Variants in DPPA2 observed in about 807,000 individuals in gnomAD.
The protein encoded by DPPA2 is developmental pluripotency-associated protein 2.
DPPA2 carries 26 observed loss-of-function variants against 36.2 expected under a neutral mutation model. The ratio of observed to expected loss-of-function variants is 0.72; its 90% CI spans 0.53 to 1.00. The LOEUF is 1.00. DPPA2 is among the 50% of genes least tolerant of loss of function. DPPA2 has a pLI of 0.00. For synonymous variants in DPPA2, 113 were observed against 123.2 expected (o/e 0.92, Z 0.55); for missense variants, 361 against 365.1 (o/e 0.99, Z 0.09).
Position 109,314,095 on chromosome 3 carries a change from T to A in DPPA2, c.33+415A>T, listed in dbSNP as rs991973200. On this transcript the variant is annotated intron_variant, in intron 2 of 8. Transcript: ENST00000478945. ...TTGGTCACTTTACTTTATGACTTTA[T>A]CCACATTACCGCCTTCACTTTCTTT... Among the ~76,000 whole-genome samples, 5 of 152,174 alleles carry A rather than the reference T, an allele frequency of 3.3e-5. No individual in the cohort carries two copies. In the East Asian group the frequency reaches 9.6e-4, roughly 29 times the overall value.
chr3:109,300,992 T>TC (rs1425877920), intron 7 of DPPA2, among the ~76,000 whole-genome samples: 2 of 151,196 alleles, frequency 1.3e-5, no homozygotes, highest in Non-Finnish European at 2.9e-5. Context: ...CATCTTTTTT[T>TC]TTTTTTTTTA....
At chr3:109,298,768 C>G (rs1317594900) in intron 8 of DPPA2, among the ~76,000 whole-genome samples, 1 of 151,702 alleles carries the variant, frequency 6.6e-6, no homozygotes, top group Non-Finnish European at 1.5e-5. Flanking sequence ...GTGGCTCACG[C>G]CTGTAATCCC....
chr3:109,307,897 T>C, intron 6 of DPPA2, 135 bp downstream of exon 6: 1 of 1,165,932 alleles, frequency 8.6e-7, no homozygotes, highest in Non-Finnish European at 1.2e-6. Context: ...AGAAGAAAGA[T>C]GTCCCATGTG....
intron 5 of DPPA2, 75 bp from the exon 6 acceptor site, chr3:109,308,368 C>CT (rs373075961): frequency 0.064 from 61,239 of 953,136 alleles, 2 homozygotes; most frequent in South Asian, 0.074. Flanking sequence ...TTTTATTATT[C>CT]TTTTTTTTTT....
At chr3:109,305,608 C>T (rs1017566966) in intron 6 of DPPA2, among the ~76,000 whole-genome samples, 1 of 152,004 alleles carries the variant, frequency 6.6e-6, no homozygotes, top group African/African-American at 2.4e-5. Flanking sequence ...AACCCCATCT[C>T]TACTAAAAAT....
intron 7 of DPPA2, among the ~76,000 whole-genome samples, chr3:109,303,459 C>T (rs980109879): frequency 5.9e-5 from 9 of 151,896 alleles, no homozygotes; most frequent in Non-Finnish European, 1.3e-4. Flanking sequence ...CAACCTCTGC[C>T]TCCCGGGTTC....
At chr3:109,313,421 A>G (rs1442418267) in intron 2 of DPPA2, among the ~76,000 whole-genome samples, 7 of 152,218 alleles carry the variant, frequency 4.6e-5, no homozygotes, top group Non-Finnish European at 1.0e-4. Context: ...CAGAGTAGGC[A>G]TTCAATGTTG....
At chr3:109,309,448 G>A in intron 3 of DPPA2, 118 bp from the exon 4 acceptor site, 2 of 1,103,534 alleles carry the variant, frequency 1.8e-6, no homozygotes, top group South Asian at 3.0e-5. Context: ...AGCACTTTGG[G>A]AGGCCGAGGT....
At chr3:109,297,012 AG>A (rs1220073116) in intron 8 of DPPA2, among the ~76,000 whole-genome samples, 1 of 152,166 alleles carries the variant, frequency 6.6e-6, no homozygotes, top group Non-Finnish European at 1.5e-5. Context: ...GCTTGAGCCC[AG>A]AAGGTCAAGG....
intron 8 of DPPA2, among the ~76,000 whole-genome samples, chr3:109,298,036 A>T (rs1707383403): frequency 6.6e-6 from 1 of 152,102 alleles, no homozygotes; most frequent in South Asian, 2.1e-4. Context: ...CCTTGAGCCT[A>T]GGAGTTCAAG....
chr3:109,314,428 G>A, intron 2 of DPPA2, 82 bp downstream of exon 2: 1 of 1,383,004 alleles, frequency 7.2e-7, no homozygotes. Context: ...AAGATTTGTG[G>A]TAAAAGAGAA....
chr3:109,313,688 G>T (rs1300053379), intron 2 of DPPA2, among the ~76,000 whole-genome samples: 1 of 152,144 alleles, frequency 6.6e-6, no homozygotes, highest in East Asian at 1.9e-4. Context: ...ATCCAAGGGT[G>T]AATAAACTCC....
Position 109,304,307 on chromosome 3 carries a change from T to C in DPPA2, c.854+168A>G, listed in dbSNP as rs540857392. Reference sequence around the variant, plus strand: ...AAAAGAACTAGCCACATTTATTGAGTTGTAATTCACTAGTGAGTTCTTCTT... The same window carrying C: ...AAAAGAACTAGCCACATTTATTGAGCTGTAATTCACTAGTGAGTTCTTCTT... On this transcript the variant is annotated intron_variant, in intron 7 of 8. Transcript: ENST00000478945. Among the ~76,000 whole-genome samples the C allele has an allele frequency of 3.3e-5, 5 of 151,782 alleles. No homozygotes were observed. In the South Asian group the frequency reaches 8.3e-4, roughly 25 times the overall value.
chr3:109,309,048 T>G lies in DPPA2; in HGVS notation c.374A>C (p.His125Pro). ...CACTTGCCGTTGTTCAGGGTAAGCA[T>G]GCCTATGAAGCCTCAGATAAACTTC... ...KIEVYLRLHR[H>P]AYPEQRQDMP... is the part of the protein sequence containing the mutation. Residue 125 changes from histidine (H) to proline (P), a missense_variant, in exon 5 of 9, where the codon CAT becomes CCT. Transcript: ENST00000478945. The G allele has an allele frequency of 6.2e-7, 1 of 1,614,188 alleles. No individual in the cohort carries two copies. The highest frequency in any genetic ancestry group is 1.1e-5 in the South Asian group (1 of 91,080).
chr3:109,296,510 A>T (rs1576813958), intron 8 of DPPA2, among the ~76,000 whole-genome samples: 3 of 152,296 alleles, frequency 2.0e-5, no homozygotes, highest in Admixed American at 2.0e-4. Flanking sequence ...CACTGTCTCT[A>T]CTAAAAATAC....
intron 1 of DPPA2, among the ~76,000 whole-genome samples, chr3:109,315,178 T>C (rs561686688): frequency 3.3e-5 from 5 of 152,352 alleles, no homozygotes; most frequent in African/African-American, 1.2e-4. Context: ...AGAACAGTTA[T>C]AAGACGATAT....
intron 8 of DPPA2, among the ~76,000 whole-genome samples, chr3:109,296,690 A>AT: frequency 6.6e-6 from 1 of 151,430 alleles, no homozygotes; most frequent in East Asian, 1.9e-4. Flanking sequence ...AAAAATAATA[A>AT]AAAAAAAAGG....
At chr3:109,295,203 G>A (rs1003018245) in intron 8 of DPPA2, 3 of 151,592 alleles carry the variant, frequency 2.0e-5, no homozygotes, top group Non-Finnish European at 1.5e-5. Flanking sequence ...TTTGGTATTT[G>A]TATAATTTTC....
At chr3:109,314,658 C>T in intron 1 of DPPA2, 103 bp from the exon 2 acceptor site, 1 of 1,085,166 alleles carries the variant, frequency 9.2e-7, no homozygotes, top group Non-Finnish European at 1.3e-6. Context: ...TCCTGTTACC[C>T]AGATGAGCTC....
Sources: allele counts gnomAD v4.1 joint callset (sites outside exome capture counted in the v4.1 genomes callset), GRCh38; gene constraint gnomAD v4.1.1; transcripts MANE v1.5; gene names NCBI Gene and HGNC (gene_info 2026-07-23, HGNC 2026-07-21).